IMPG1: variants seen among roughly 807,000 people sequenced by gnomAD.
IMPG1 encodes the protein interphotoreceptor matrix proteoglycan of 150 kDa.
In IMPG1, 85 loss-of-function variants were observed where a neutral mutation model predicts 92.0. The observed-to-expected ratio is 0.92, with a 90% confidence interval of 0.78 to 1.11. IMPG1 has a LOEUF of 1.11. IMPG1 is among the 50% of genes least tolerant of loss of function. IMPG1 has a pLI of 0.00. For synonymous variants in IMPG1, 367 were observed against 334.1 expected (o/e 1.10, Z -1.08); for missense variants, 1,022 against 956.0 (o/e 1.07, Z -0.91).
chr6:75,942,721 C>A (rs1781855577), intron 14 of IMPG1, among the ~76,000 whole-genome samples: 1 of 152,092 alleles, frequency 6.6e-6, no homozygotes, highest in African/African-American at 2.4e-5. Context: ...TTTGGATCAG[C>A]CAATCGCACT....
chr6:75,965,638 C>T (rs1230670728), intron 12 of IMPG1, among the ~76,000 whole-genome samples: 6 of 130,578 alleles, frequency 4.6e-5, no homozygotes, highest in African/African-American at 1.8e-4. Flanking sequence ...GACGGAGTCT[C>T]GCTCTGTCGC....
At chr6:76,045,653 G>A (rs773883092) in intron 1 of IMPG1, among the ~76,000 whole-genome samples, 1 of 151,986 alleles carries the variant, frequency 6.6e-6, no homozygotes, top group Non-Finnish European at 1.5e-5. Flanking sequence ...AGGATGACAG[G>A]CCACAGTGAC....
intron 12 of IMPG1, among the ~76,000 whole-genome samples, chr6:75,974,305 TTTTC>T (rs1204642724): frequency 2.6e-5 from 4 of 151,614 alleles, no homozygotes; most frequent in Admixed American, 6.6e-5. Flanking sequence ...CTTTCTTTTC[TTTTC>T]TTTCTTTCCC....
At chr6:75,963,234 A>G (rs1782238689) in intron 12 of IMPG1, among the ~76,000 whole-genome samples, 1 of 152,212 alleles carries the variant, frequency 6.6e-6, no homozygotes, top group African/African-American at 2.4e-5. Flanking sequence ...TACCTACAAT[A>G]ATGGAACGTC....
At chr6:76,061,894 CT>C (rs553486122) in intron 1 of IMPG1, among the ~76,000 whole-genome samples, 4 of 152,118 alleles carry the variant, frequency 2.6e-5, no homozygotes, top group Admixed American at 1.3e-4. Flanking sequence ...CTTCAACTGT[CT>C]TTTTTTGTGC....
At chr6:76,015,922 T>G (rs1328255452) in intron 7 of IMPG1, among the ~76,000 whole-genome samples, 3 of 151,938 alleles carry the variant, frequency 2.0e-5, no homozygotes, top group African/African-American at 7.3e-5. Flanking sequence ...GACATGGTGG[T>G]TAAGAGCAAG....
intron 5 of IMPG1, among the ~76,000 whole-genome samples, chr6:76,023,424 C>T (rs189924154): frequency 1.3e-5 from 2 of 152,296 alleles, no homozygotes; most frequent in South Asian, 2.1e-4. Context: ...TTTTATTTGG[C>T]TATCCTTCCA....
chr6:76,049,955 G>A (rs1353330350), intron 1 of IMPG1, among the ~76,000 whole-genome samples: 1 of 152,100 alleles, frequency 6.6e-6, no homozygotes, highest in African/African-American at 2.4e-5. Context: ...AGCTGACCTA[G>A]ATTCTGCAAC....
chr6:75,924,502 A>AT lies in IMPG1; in HGVS notation c.2244-797dup, dbSNP rs1273786847. 3.6e-3 allele frequency among the ~76,000 whole-genome samples: 340 copies of AT among 95,192 alleles called. 6 individuals carry two copies. The highest frequency in any genetic ancestry group is 5.5e-3 in the Non-Finnish European group (287 of 51,828). 62.4% of individuals were successfully genotyped at this position (95,192 alleles called of 152,430 possible). A position where few individuals can be genotyped will look rare whatever the true frequency, so the allele number is the denominator to read the frequency against. ...ATATATTATAATATAATATAATTAT[A>AT]TAATATAATTAATATAATTATATAT... On this transcript the variant is annotated intron_variant, in intron 15 of 16. Transcript: ENST00000369950.
chr6:76,042,819 G>GTA, intron 1 of IMPG1, among the ~76,000 whole-genome samples: 1 of 152,284 alleles, frequency 6.6e-6, no homozygotes. Context: ...GGCATGGCTG[G>GTA]TATCTATTAG....
chr6:75,930,115 A>C (rs1481866373), intron 15 of IMPG1, among the ~76,000 whole-genome samples: 1 of 152,198 alleles, frequency 6.6e-6, no homozygotes, highest in Non-Finnish European at 1.5e-5. Context: ...AACACTCTAA[A>C]GTCTGGTTCC....
At chr6:76,011,260 G>C (rs1037381793) in intron 7 of IMPG1, 36 bp from the exon 8 acceptor site, 2 of 1,136,390 alleles carry the variant, frequency 1.8e-6, no homozygotes, top group Admixed American at 3.5e-5. Context: ...ATACTCTTTG[G>C]TTCTGCTGGG....
intron 9 of IMPG1, among the ~76,000 whole-genome samples, chr6:76,006,445 T>C (rs888204890): frequency 3.8e-4 from 52 of 136,604 alleles, no homozygotes; most frequent in African/African-American, 1.3e-3. Context: ...TATACCCATA[T>C]ATGGGTATGT....
intron 12 of IMPG1, among the ~76,000 whole-genome samples, chr6:75,987,091 G>A (rs2149471718): frequency 6.6e-6 from 1 of 152,252 alleles, no homozygotes; most frequent in East Asian, 1.9e-4. Context: ...GGGCAGTTAA[G>A]GCCTAGGTAT....
At chr6:75,946,267 G>T (rs964966981) in intron 14 of IMPG1, among the ~76,000 whole-genome samples, 1 of 152,156 alleles carries the variant, frequency 6.6e-6, no homozygotes, top group Non-Finnish European at 1.5e-5. Context: ...ACTAAGGTAC[G>T]GAGGCAATTT....
intron 15 of IMPG1, among the ~76,000 whole-genome samples, chr6:75,926,026 C>T (rs9343330): frequency 0.39 from 59,387 of 151,906 alleles, 12,587 homozygotes; most frequent in Non-Finnish European, 0.5. Context: ...CATCCCACCA[C>T]CTAAGGCAGC....
At chr6:75,962,081 C>T (rs965760441) in intron 12 of IMPG1, among the ~76,000 whole-genome samples, 1 of 152,062 alleles carries the variant, frequency 6.6e-6, no homozygotes, top group Non-Finnish European at 1.5e-5. Context: ...GCATCTTTCA[C>T]CAAGACTTCT....
intron 15 of IMPG1, among the ~76,000 whole-genome samples, chr6:75,924,699 TATATATA>T (rs1212398277): frequency 0.027 from 18 of 678 alleles, no homozygotes; most frequent in African/African-American, 0.11. Flanking sequence ...TATAAATAAT[TATATATA>T]ATATATAATA....
At chr6:76,049,736 T>C (rs28540080) in intron 1 of IMPG1, among the ~76,000 whole-genome samples, 1 of 152,140 alleles carries the variant, frequency 6.6e-6, no homozygotes, top group Non-Finnish European at 1.5e-5. Flanking sequence ...TCTAGCACAG[T>C]AGGATGGGCT....
Sources: allele counts gnomAD v4.1 joint callset (sites outside exome capture counted in the v4.1 genomes callset), GRCh38; gene constraint gnomAD v4.1.1; transcripts MANE v1.5; gene names NCBI Gene and HGNC (gene_info 2026-07-23, HGNC 2026-07-21).